Variants in ZNF121 observed in about 807,000 individuals in gnomAD.
ZNF121 encodes the protein zinc finger protein 121.
A neutral mutation model predicts 2.4 loss-of-function variants in ZNF121; 1 was observed. The observed-to-expected ratio is 0.41, with a 90% CI of 0.15 to 1.94. The LOEUF (loss-of-function observed/expected upper bound fraction) is 1.94, where lower values mean the gene tolerates loss of function less well. Ranked by LOEUF, ZNF121 falls within the 30% of genes most tolerant of loss-of-function variation. The probability of loss-of-function intolerance (pLI) is 0.30; values close to 1 mark genes in which losing one functional copy is unlikely to be tolerated. For synonymous variants in ZNF121, 173 were observed against 158.6 expected (o/e 1.09, Z -0.68); for missense variants, 369 against 466.3 (o/e 0.79, Z 1.92).
intron 1 of ZNF121, among the ~76,000 whole-genome samples, chr19:9,575,668 G>T (rs576395180): frequency 4.0e-5 from 6 of 150,754 alleles, no homozygotes; most frequent in Admixed American, 4.0e-4. Flanking sequence ...GCTTAAACCT[G>T]GGAGATGGAG....
At chr19:9,581,898 C>T (rs1301820143) in intron 1 of ZNF121, among the ~76,000 whole-genome samples, 1 of 152,154 alleles carries the variant, frequency 6.6e-6, no homozygotes. Flanking sequence ...TTAGGCGATG[C>T]ATTACCAAGT....
intron 1 of ZNF121, among the ~76,000 whole-genome samples, chr19:9,573,212 T>C (rs1330492123): frequency 6.6e-6 from 1 of 152,152 alleles, no homozygotes. Flanking sequence ...AATGACAATA[T>C]GTGAGCTCCC....
At position 9,568,479 on chromosome 19, in the gene ZNF121, G is replaced by A. The variant is rs574387292; in HGVS notation, c.-78-304C>T. Reference sequence around the variant, plus strand: ...CAACCTCCACCTCCTGGGTTCAAGCGATTCTCCTGCCTCAGCCTCCGAGTA... The same window carrying A: ...CAACCTCCACCTCCTGGGTTCAAGCAATTCTCCTGCCTCAGCCTCCGAGTA... On this transcript the variant is annotated intron_variant, in intron 2 of 3. Transcript: ENST00000320451. Among the ~76,000 whole-genome samples the A allele has an allele frequency of 1.7e-3, 255 of 151,838 alleles. 2 individuals are homozygous for A. The highest frequency in any genetic ancestry group is 4.7e-3 in the Admixed American group (71 of 15,238).
At chr19:9,567,525 C>CAGGGGTGGAAT (rs772907728) in intron 3 of ZNF121, 36 of 219,700 alleles carry the variant, frequency 1.6e-4, no homozygotes, top group Non-Finnish European at 2.8e-4. Flanking sequence ...TTTCCACAAA[C>CAGGGGTGGAAT]AGGGGTGGAA....
chr19:9,569,538 G>T (rs2074158108), intron 1 of ZNF121, among the ~76,000 whole-genome samples: 2 of 145,846 alleles, frequency 1.4e-5, no homozygotes, highest in East Asian at 2.0e-4. Context: ...TTCTGGTTTT[G>T]TTTTTTTTTT....
At position 9,560,642 on chromosome 19, in the gene ZNF121, T is replaced by C. The variant is rs1458321896; in HGVS notation, c.*5298A>G. On this transcript the variant is annotated 3_prime_UTR_variant, in exon 4 of 4. Transcript: ENST00000320451. ...TTAGCATAACGTCCATGTTGTAGCATATGGCAGAATTTTGTTTTTAAGGCT... is the reference window on the plus strand; with the variant it reads ...TTAGCATAACGTCCATGTTGTAGCACATGGCAGAATTTTGTTTTTAAGGCT... 1 of 152,262 alleles carries C rather than the reference T, an allele frequency of 6.6e-6. No homozygotes were observed. The highest frequency in any genetic ancestry group is 1.5e-5 in the Non-Finnish European group (1 of 68,048). 9.4% of individuals were successfully genotyped at this position (152,262 alleles called of 1,614,324 possible).
chr19:9,574,946 A>C (rs891776270), intron 1 of ZNF121, among the ~76,000 whole-genome samples: 2 of 152,206 alleles, frequency 1.3e-5, no homozygotes, highest in African/African-American at 2.4e-5. Flanking sequence ...AAAAGTCTTT[A>C]AAGAAAAATG....
At chr19:9,577,131 A>T (rs1347612862) in intron 1 of ZNF121, among the ~76,000 whole-genome samples, 1 of 152,230 alleles carries the variant, frequency 6.6e-6, no homozygotes, top group Non-Finnish European at 1.5e-5. Flanking sequence ...AAAAGCAGAG[A>T]AGAGCACAAC....
At chr19:9,579,085 G>C (rs1278977392) in intron 1 of ZNF121, among the ~76,000 whole-genome samples, 1 of 151,250 alleles carries the variant, frequency 6.6e-6, no homozygotes, top group Admixed American at 6.6e-5. Flanking sequence ...CGGAAAAAAT[G>C]CTCAACATGG....
chr19:9,567,882 G>A (rs1033424235), intron 3 of ZNF121: 1 of 472,200 alleles, frequency 2.1e-6, no homozygotes, highest in Non-Finnish European at 3.8e-6. Context: ...TATACACACA[G>A]ATGAAGTTTC....
rs1009469651 is a variant in ZNF121 at position 9,560,670 on chromosome 19, A to G, written c.*5270T>C. On this transcript the variant is annotated 3_prime_UTR_variant, in exon 4 of 4. Coordinates refer to ENST00000320451, the MANE Select transcript of ZNF121 (RefSeq NM_001008727.5). ...GGCAGAATTTTGTTTTTAAGGCTAA[A>G]TGATATTGCATTGTATGTATATAAT... is the stretch of plus-strand genomic sequence containing the variant. The G allele has an allele frequency of 6.6e-6, 1 of 152,252 alleles. No individual in the cohort carries two copies. The highest frequency in any genetic ancestry group is 2.4e-5 in the African/African-American group (1 of 41,468). 9.4% of individuals were successfully genotyped at this position (152,252 alleles called of 1,614,324 possible). A position where few individuals can be genotyped will look rare whatever the true frequency, so the allele number is the denominator to read the frequency against.
rs2074112040 is a variant in ZNF121 at position 9,563,404 on chromosome 19, CAA to C, written c.*2534_*2535del. 6.6e-6 allele frequency: 1 copy of C among 152,166 alleles called. No homozygotes were observed. The highest frequency in any genetic ancestry group is 2.4e-5 in the African/African-American group (1 of 41,438). The allele number at this position is 152,166 out of a possible 1,614,324, so 9.4% of individuals were successfully genotyped here. On this transcript the variant is annotated 3_prime_UTR_variant, in exon 4 of 4. Transcript: ENST00000320451. ...AAGTCATTTCCATAACATAAAAGTA[CAA>C]AGTGAAGTAGCAATTGCTGATGTGG...
chr19:9,568,215 G>A (rs1427570905), intron 2 of ZNF121, 40 bp from the exon 3 acceptor site: 2 of 1,041,880 alleles, frequency 1.9e-6, no homozygotes, highest in Non-Finnish European at 1.4e-6. Context: ...AATAGGGTCT[G>A]AGAACAAAAC....
At chr19:9,570,770 G>A (rs764019008) in intron 1 of ZNF121, among the ~76,000 whole-genome samples, 1 of 151,806 alleles carries the variant, frequency 6.6e-6, no homozygotes, top group Non-Finnish European at 1.5e-5. Context: ...TAGTACAGAC[G>A]GGGTTTAACC....
chr19:9,570,072 G>A (rs900114951), intron 1 of ZNF121, among the ~76,000 whole-genome samples: 2 of 151,728 alleles, frequency 1.3e-5, no homozygotes, highest in Non-Finnish European at 2.9e-5. Context: ...AGGGCGTGGT[G>A]GCACGTGCCT....
At position 9,561,383 on chromosome 19, in the gene ZNF121, T is replaced by G. The variant is rs1337418330; in HGVS notation, c.*4557A>C. ...TACCCATGAAATAAGGAGAATACAT[T>G]TTTAAAGATTCAGAAGATAGCTTGA... is the stretch of plus-strand genomic sequence containing the variant. On this transcript the variant is annotated 3_prime_UTR_variant, in exon 4 of 4. Coordinates refer to ENST00000320451, the MANE Select transcript of ZNF121 (RefSeq NM_001008727.5). 6.6e-6 allele frequency: 1 copy of G among 152,206 alleles called. No individual in the cohort carries two copies. Among genetic ancestry groups the G allele is most frequent in the African/African-American group, 2.4e-5 (1 of 41,448 alleles). 9.4% of individuals were successfully genotyped at this position (152,206 alleles called of 1,614,324 possible). A position where few individuals can be genotyped will look rare whatever the true frequency, so the allele number is the denominator to read the frequency against.
intron 1 of ZNF121, among the ~76,000 whole-genome samples, chr19:9,583,362 CATCGCCCA>C: frequency 6.6e-6 from 1 of 151,112 alleles, no homozygotes; most frequent in Non-Finnish European, 1.5e-5. Flanking sequence ...GTTTCGCTCT[CATCGCCCA>C]GGCTGGAGTG....
intron 1 of ZNF121, among the ~76,000 whole-genome samples, chr19:9,576,518 G>A (rs73494971): frequency 0.17 from 26,241 of 151,918 alleles, 3,592 homozygotes; most frequent in African/African-American, 0.38. Context: ...CAATAAACAC[G>A]TACATACAAA....
Position 9,568,987 on chromosome 19 carries a change from GTTC to G in ZNF121, c.-79+12_-79+14del, listed in dbSNP as rs1324127379. The stretch of plus-strand genomic sequence containing the variant: ...ACTGAACTTCTCATTGACCAGGAGT[GTTC>G]TTCATACTCACCTTGGGGAACTCCG... On this transcript the variant is annotated intron_variant, in intron 2 of 3. Coordinates refer to ENST00000320451, the MANE Select transcript of ZNF121 (RefSeq NM_001008727.5). 5.2e-5 allele frequency: 8 copies of G among 152,928 alleles called. No individual in the cohort carries two copies. The highest frequency in any genetic ancestry group is 1.9e-4 in the African/African-American group (8 of 41,396). 9.5% of individuals were successfully genotyped at this position (152,928 alleles called of 1,614,324 possible). A position where few individuals can be genotyped will look rare whatever the true frequency, so the allele number is the denominator to read the frequency against.
Sources: gnomAD v4.1 joint callset for allele counts (sites outside exome capture counted in the v4.1 genomes callset) on GRCh38, gnomAD v4.1.1 for gene constraint, MANE v1.5 for transcripts, NCBI Gene and HGNC (gene_info 2026-07-23, HGNC 2026-07-21) for gene names.